Variants in SH3BP4 observed in about 807,000 individuals in gnomAD.
SH3BP4 encodes SH3 domain-binding protein 4.
In SH3BP4, 33 loss-of-function variants were observed where a neutral mutation model predicts 65.5. The ratio of observed to expected loss-of-function variants is 0.50; its 90% confidence interval spans 0.38 to 0.67. The LOEUF is 0.67. SH3BP4 is among the 30% of genes least tolerant of loss of function. The probability of loss-of-function intolerance (pLI) is 0.00; values close to 1 mark genes in which losing one functional copy is unlikely to be tolerated. For synonymous variants in SH3BP4, 552 were observed against 545.5 expected, an observed-to-expected ratio of 1.01 and a Z score of -0.17; for missense variants, 1,134 against 1,261.4, an observed-to-expected ratio of 0.90 and a Z score of 1.53.
chr2:234,956,221 A>C (rs954116355), intron 1 of SH3BP4, among the ~76,000 whole-genome samples: 1 of 152,196 alleles, frequency 6.6e-6, no homozygotes, highest in Admixed American at 6.5e-5. Context: ...TGTGACTTTG[A>C]AGTTGGGATA....
chr2:235,041,089 C>T lies in SH3BP4; in HGVS notation c.320C>T (p.Ser107Phe). 3.7e-6 allele frequency: 6 copies of T among 1,614,138 alleles called. No individual in the cohort carries two copies. The highest frequency in any genetic ancestry group is 5.1e-6 in the Non-Finnish European group (6 of 1,179,984). The change falls in exon 4 of 6, where the codon TCC (serine) becomes TTC (phenylalanine). Residue 107 changes from serine (S) to phenylalanine (F), a missense_variant. Physicochemically the swap from Ser to Phe is radical, Grantham distance 155. Transcript: ENST00000392011. This position sits in a 1 kb window ranked among gnomAD's most constrained non-coding sequence, Gnocchi z 6.0. ...NTTEMGYIPS[S>F]YVQPLNYRNS... ...ACCGAAATGGGCTACATCCCCTCCT[C>T]CTATGTGCAGCCCTTGAACTACCGG...
intron 1 of SH3BP4, among the ~76,000 whole-genome samples, chr2:234,971,309 C>T (rs1480172148): frequency 1.3e-5 from 2 of 152,218 alleles, no homozygotes; most frequent in Non-Finnish European, 2.9e-5. Flanking sequence ...AAGGTTCATC[C>T]ATGCTGTGGC....
rs1196449412 is a variant in SH3BP4 at position 235,041,306 on chromosome 2, C to T, written c.537C>T (p.Pro179=). The T allele has an allele frequency of 6.2e-7, 1 of 1,614,214 alleles. No individual in the cohort carries two copies. Among genetic ancestry groups the T allele is most frequent in the Non-Finnish European group, 8.5e-7 (1 of 1,180,038 alleles). ...PFLNGNVPVM[P]SLDELNPKST... ...TGAATGGGAACGTGCCCGTCATGCC[C>T]AGCCTGGATGAGCTGAATCCCAAAA... is the stretch of plus-strand genomic sequence containing the variant. The change falls in exon 4 of 6, where the codon CCC becomes CCT. Residue 179 remains proline (P), a synonymous_variant. Transcript: ENST00000392011. The surrounding 1 kb of genome is among the most constrained non-coding windows in gnomAD (Gnocchi z 6.0).
In SH3BP4 at chr2:235,053,594, C is replaced by T. The variant is rs1696131552; in HGVS notation, c.2670C>T (p.Ala890=). ...TTTTTTACAACTCCACCTCCCAGGC[C>T]ATGTGGAAGCCTGCGTATGACTTCT... The part of the protein sequence containing the change: ...RDRNGVVDSE[A]MWKPAYDFLL... The change falls in exon 6 of 6, where the codon GCC becomes GCT. Residue 890 remains alanine (A), a splice_region_variant and synonymous_variant. Coordinates refer to ENST00000392011, the MANE Select transcript of SH3BP4 (RefSeq NM_014521.3). The T allele has an allele frequency of 3.1e-6, 5 of 1,613,204 alleles. No homozygotes were observed. In the East Asian group the frequency reaches 1.1e-4, roughly 36 times the overall value.
At chr2:235,007,726 C>T (rs544079652) in intron 2 of SH3BP4, among the ~76,000 whole-genome samples, 4 of 152,202 alleles carry the variant, frequency 2.6e-5, no homozygotes, top group Admixed American at 2.0e-4. Context: ...TGAGAGGCTG[C>T]GGCCATCCTG....
chr2:235,013,887 A>C lies in SH3BP4; in HGVS notation c.-133+18511A>C, dbSNP rs1394259672. Among the ~76,000 whole-genome samples, 3 of 152,168 alleles carry C rather than the reference A, an allele frequency of 2.0e-5. No individual in the cohort carries two copies. In the East Asian group the frequency reaches 5.8e-4, roughly 29 times the overall value. The stretch of plus-strand genomic sequence containing the variant: ...GTGAAGATTAACCTCTTTGTGCCTC[A>C]GTTTCCTCAGCTATAAAACAGAATG... On this transcript the variant is annotated intron_variant, in intron 2 of 5. Transcript: ENST00000392011.
chr2:234,970,389 G>C (rs1170829570), intron 1 of SH3BP4, among the ~76,000 whole-genome samples: 4 of 152,168 alleles, frequency 2.6e-5, no homozygotes, highest in African/African-American at 9.7e-5. Flanking sequence ...GCCTGGAACT[G>C]GGACCTCTGG....
chr2:234,982,092 T>C (rs1188788508), intron 1 of SH3BP4, among the ~76,000 whole-genome samples: 1 of 152,176 alleles, frequency 6.6e-6, no homozygotes, highest in Non-Finnish European at 1.5e-5. Context: ...TCCGGGGTAA[T>C]GTACACTAAA....
intron 1 of SH3BP4, among the ~76,000 whole-genome samples, chr2:234,958,658 T>C (rs1293117098): frequency 2.7e-5 from 4 of 145,916 alleles, no homozygotes; most frequent in African/African-American, 1.0e-4. Flanking sequence ...ACAAGTGCCC[T>C]GCGGGGCCCT....
At chr2:234,968,270 G>T (rs1692889820) in intron 1 of SH3BP4, among the ~76,000 whole-genome samples, 1 of 152,122 alleles carries the variant, frequency 6.6e-6, no homozygotes, top group African/African-American at 2.4e-5. Context: ...TCCATGAGGG[G>T]TTGCAGAAAC....
chr2:234,984,774 A>G (rs1693495856), intron 1 of SH3BP4, among the ~76,000 whole-genome samples: 1 of 151,980 alleles, frequency 6.6e-6, no homozygotes, highest in African/African-American at 2.4e-5. Flanking sequence ...CTGGTTTACA[A>G]CCCCTGAAAG....
chr2:235,022,475 C>G (rs13427944), intron 2 of SH3BP4, among the ~76,000 whole-genome samples: 18,471 of 151,910 alleles, frequency 0.12, 2,877 homozygotes, highest in African/African-American at 0.36. Flanking sequence ...GAGCCAAGAT[C>G]GTGCCACTGC....
rs191897870 is a variant in SH3BP4 at position 235,052,312 on chromosome 2, G to A, written c.2479-250G>A. ...AGACCCCATTTTCAAGTAAGGTCAC[G>A]TTCTGAGGTTCTGGGTGGATGTGGG... On this transcript the variant is annotated intron_variant, in intron 4 of 5. Transcript: ENST00000392011. The surrounding 1 kb of genome is among the most constrained non-coding windows in gnomAD (Gnocchi z 5.0). Among the ~76,000 whole-genome samples, 1 of 152,240 alleles carries A rather than the reference G, an allele frequency of 6.6e-6. No homozygotes were observed. Among genetic ancestry groups the A allele is most frequent in the Admixed American group, 6.5e-5 (1 of 15,288 alleles).
At chr2:234,970,293 C>A (rs13032747) in intron 1 of SH3BP4, among the ~76,000 whole-genome samples, 6,144 of 152,294 alleles carry the variant, frequency 0.04, 158 homozygotes, top group Middle Eastern at 0.078. Flanking sequence ...CCTCTGTAAA[C>A]CTTGGCGGGA....
rs34237841 is a variant in SH3BP4 at position 235,042,179 on chromosome 2, C to T, written c.1410C>T (p.Ile470=). ...ACCCTTCCACCGTGTGGGACTTCAT[C>T]AATAAAAAAGTCACAGTGGGTCTCT... The part of the protein sequence containing the change: ...ILYPSTVWDF[I]NKKVTVGLYG... Residue 470 remains isoleucine, a synonymous_variant, in exon 4 of 6, where the codon ATC becomes ATT. Coordinates refer to ENST00000392011, the MANE Select transcript of SH3BP4 (RefSeq NM_014521.3). The surrounding 1 kb of genome is among the most constrained non-coding windows in gnomAD (Gnocchi z 7.3). 2,084 of 1,614,104 alleles carry T rather than the reference C, an allele frequency of 1.3e-3. 16 individuals carry two copies. In the African/African-American group the frequency reaches 0.024, roughly 19 times the overall value.
chr2:235,051,359 G>A (rs1696047580), intron 4 of SH3BP4, among the ~76,000 whole-genome samples: 1 of 152,146 alleles, frequency 6.6e-6, no homozygotes, highest in Admixed American at 6.5e-5. Flanking sequence ...ACCCCAGCCT[G>A]GGGTCCCCCA....
intron 1 of SH3BP4, among the ~76,000 whole-genome samples, chr2:234,963,984 C>T (rs1692777567): frequency 6.6e-6 from 1 of 152,212 alleles, no homozygotes; most frequent in African/African-American, 2.4e-5. Context: ...AGCCTTCTTT[C>T]TGGCAAGAGA....
At position 234,978,109 on chromosome 2, in the gene SH3BP4, C is replaced by T. The variant is rs765047143; in HGVS notation, c.-206-17194C>T. Among the ~76,000 whole-genome samples the T allele has an allele frequency of 3.3e-5, 5 of 152,046 alleles. No individual in the cohort carries two copies. Among genetic ancestry groups the T allele is most frequent in the Non-Finnish European group, 5.9e-5 (4 of 68,002 alleles). On this transcript the variant is annotated intron_variant, in intron 1 of 5. Transcript: ENST00000392011. The surrounding 1 kb of genome is among the most constrained non-coding windows in gnomAD (Gnocchi z 4.1). ...TAGCTGGGATTACAGGCATGCGCCA[C>T]CATGCCGGCTAATTTTTGTATTTTT...
chr2:235,046,966 C>G lies in SH3BP4; in HGVS notation c.2478+3719C>G, dbSNP rs984280172. Reference sequence around the variant, plus strand: ...TGGCTGTGGCTGCACTCAGAGCACCCCTCTGTCCTGGCCACTTCTCTCCCA... The same window carrying G: ...TGGCTGTGGCTGCACTCAGAGCACCGCTCTGTCCTGGCCACTTCTCTCCCA... On this transcript the variant is annotated intron_variant, in intron 4 of 5. Transcript: ENST00000392011. This position sits in a 1 kb window ranked among gnomAD's most constrained non-coding sequence, Gnocchi z 4.2. 6.6e-6 allele frequency among the ~76,000 whole-genome samples: 1 copy of G among 152,192 alleles called. No homozygotes were observed. The highest frequency in any genetic ancestry group is 1.5e-5 in the Non-Finnish European group (1 of 68,048).
Sources: gnomAD v4.1 joint callset for allele counts (sites outside exome capture counted in the v4.1 genomes callset) on GRCh38, gnomAD v4.1.1 for gene constraint, Gnocchi (gnomAD v3.1) non-coding constraint, MANE v1.5 for transcripts, NCBI Gene and HGNC (gene_info 2026-07-23, HGNC 2026-07-21) for gene names.